Variants in FBXO9 observed in about 807,000 individuals in gnomAD.
FBXO9 encodes the protein F-box protein 9.
In FBXO9, 43 loss-of-function variants were observed where a neutral mutation model predicts 63.7. The ratio of observed to expected loss-of-function variants is 0.67; its 90% CI spans 0.53 to 0.87. FBXO9 has a LOEUF of 0.87. FBXO9 is among the 40% of genes least tolerant of loss of function. The pLI is 0.00. For synonymous variants in FBXO9, 156 were observed against 171.7 expected (o/e 0.91, Z 0.72); for missense variants, 442 against 533.2 (o/e 0.83, Z 1.68).
At chr6:53,093,269 T>C in intron 9 of FBXO9, 197 bp from the exon 10 acceptor site, 1 of 474,032 alleles carries the variant, frequency 2.1e-6, no homozygotes, top group Admixed American at 3.8e-5. Context: ...CTGAGGAAGA[T>C]AAAATATCTT....
At chr6:53,094,901 T>C (rs762752614) in intron 11 of FBXO9, 4 of 227,172 alleles carry the variant, frequency 1.8e-5, no homozygotes, top group Non-Finnish European at 2.8e-5. Flanking sequence ...TAAAAGAGTT[T>C]AGGAACTCCC....
At chr6:53,078,685 C>A in intron 4 of FBXO9, 114 bp from the exon 5 acceptor site, 2 of 704,444 alleles carry the variant, frequency 2.8e-6, no homozygotes, top group Non-Finnish European at 2.4e-6. Flanking sequence ...TGTAGAAAAA[C>A]AGAATTTGGC....
At chr6:53,096,730 C>G (rs1249950782) in intron 12 of FBXO9, among the ~76,000 whole-genome samples, 1 of 152,086 alleles carries the variant, frequency 6.6e-6, no homozygotes, top group South Asian at 2.1e-4. Context: ...AACTGGGTGA[C>G]CCCATCTCTA....
intron 9 of FBXO9, 91 bp from the exon 10 acceptor site, chr6:53,093,375 G>A: frequency 1.3e-6 from 1 of 780,206 alleles, no homozygotes; most frequent in Non-Finnish European, 2.1e-6. Context: ...TGGTTTCATA[G>A]CTATGAATAG....
At chr6:53,073,667 T>C in intron 3 of FBXO9, 28 bp downstream of exon 3, 1 of 1,376,042 alleles carries the variant, frequency 7.3e-7, no homozygotes, top group Non-Finnish European at 9.3e-7. Flanking sequence ...TGTAACAAAT[T>C]ACATTTTTTT....
Position 53,095,462 on chromosome 6 carries a change from A to G in FBXO9, c.1054-51A>G, listed in dbSNP as rs1382050082. 20 of 1,507,414 alleles carry G rather than the reference A, an allele frequency of 1.3e-5. No individual in the cohort carries two copies. In the Admixed American group the frequency reaches 4.2e-4, roughly 31 times the overall value. 93.4% of individuals were successfully genotyped at this position (1,507,414 alleles called of 1,614,324 possible). On this transcript the variant is annotated intron_variant, in intron 11 of 12. Transcript: ENST00000323557. ...ACTGTTGCATACTATTTCTGTAAAC[A>G]TAGAAGTGAGGTAAGGTTTCATTAT...
At chr6:53,095,937 A>G (rs1166487239) in intron 12 of FBXO9, among the ~76,000 whole-genome samples, 1 of 152,228 alleles carries the variant, frequency 6.6e-6, no homozygotes, top group Admixed American at 6.5e-5. Flanking sequence ...GTAGCATTCC[A>G]TGGGAAGAAT....
At position 53,073,562 on chromosome 6, in the gene FBXO9, T is replaced by G. The variant is rs991285816; in HGVS notation, c.172T>G (p.Cys58Gly). Residue 58 changes from cysteine to glycine, a missense_variant, in exon 3 of 13, where the codon TGC becomes GGC. This residue lies in a region of FBXO9 where 180 missense variants were observed against 171.1 expected (regional missense o/e 1.05). Coordinates refer to ENST00000323557, the MANE Select transcript of FBXO9 (RefSeq NM_033480.3). ...VSSSNLENRPCRAARGSLQKT... is the reference protein window; with the variant it reads ...VSSSNLENRPGRAARGSLQKT... The stretch of plus-strand genomic sequence containing the variant: ...CTCTAGCAATTTAGAAAATCGACCT[T>G]GCAGAGCAGCAAGAGGCTCTCTCCA... 2 of 1,612,626 alleles carry G rather than the reference T, an allele frequency of 1.2e-6. No homozygotes were observed. The highest frequency in any genetic ancestry group is 2.7e-5 in the African/African-American group (2 of 74,996).
intron 7 of FBXO9, among the ~76,000 whole-genome samples, chr6:53,088,866 C>T (rs1431676107): frequency 2.0e-5 from 3 of 151,712 alleles, no homozygotes; most frequent in African/African-American, 7.3e-5. Flanking sequence ...TCCTAAAGTG[C>T]AGGAATTACA....
rs917759643 is a variant in FBXO9 at position 53,076,567 on chromosome 6, A to G, written c.307+24A>G. On this transcript the variant is annotated intron_variant, in intron 4 of 12. Coordinates refer to ENST00000323557, the MANE Select transcript of FBXO9 (RefSeq NM_033480.3). ...AGGTAAAAATTCAGAGCCCAGGTTCATATCATAACATTTCTGAATAATGAC... is the reference window on the plus strand; with the variant it reads ...AGGTAAAAATTCAGAGCCCAGGTTCGTATCATAACATTTCTGAATAATGAC... 7.6e-5 allele frequency: 112 copies of G among 1,473,286 alleles called. No homozygotes were observed. The highest frequency in any genetic ancestry group is 9.6e-5 in the Non-Finnish European group (107 of 1,111,310). The allele number at this position is 1,473,286 out of a possible 1,614,324, so 91.3% of individuals were successfully genotyped here. A position where few individuals can be genotyped will look rare whatever the true frequency, so the allele number is the denominator to read the frequency against.
chr6:53,079,002 C>A, intron 5 of FBXO9, 104 bp downstream of exon 5: 1 of 719,856 alleles, frequency 1.4e-6, no homozygotes, highest in Non-Finnish European at 2.3e-6. Context: ...GAGCTCTATA[C>A]TCTTTAGTAT....
At chr6:53,087,659 C>T (rs1265980006) in intron 7 of FBXO9, among the ~76,000 whole-genome samples, 1 of 152,106 alleles carries the variant, frequency 6.6e-6, no homozygotes, top group African/African-American at 2.4e-5. Flanking sequence ...CATTTCCAAC[C>T]TGGAACTAGG....
At position 53,071,050 on chromosome 6, in the gene FBXO9, C is replaced by G. The variant is rs1444946782; in HGVS notation, c.4-7C>G. ...TGCCTGACATTATTTGGGTTTTCCC[C>G]CCTCAGGCAGAAGCTGAGGAAGATT... On this transcript the variant is annotated splice_region_variant and splice_polypyrimidine_tract_variant and intron_variant, in intron 1 of 12. Transcript: ENST00000323557. The G allele has an allele frequency of 3.2e-6, 5 of 1,566,680 alleles. No individual in the cohort carries two copies. The highest frequency in any genetic ancestry group is 4.3e-6 in the Non-Finnish European group (5 of 1,153,902).
rs139442571 is a variant in FBXO9, at chr6:53,065,812, C to T, written c.3+20C>T. On this transcript the variant is annotated intron_variant, in intron 1 of 12. Coordinates refer to ENST00000323557, the MANE Select transcript of FBXO9 (RefSeq NM_033480.3). ...AGCATGGTAACCTGGCCAGGGGGCT[C>T]GAGGGTGGACGCCGCGGGGCGGGAG... The T allele has an allele frequency of 3.5e-3, 4,730 of 1,339,248 alleles. 115 individuals are homozygous for T. The East Asian group carries it at 0.059, about 17-fold the overall frequency. The allele number at this position is 1,339,248 out of a possible 1,614,324, so 83.0% of individuals were successfully genotyped here.
At chr6:53,068,863 T>G (rs1194887745) in intron 1 of FBXO9, among the ~76,000 whole-genome samples, 1 of 152,104 alleles carries the variant, frequency 6.6e-6, no homozygotes, top group Non-Finnish European at 1.5e-5. Context: ...TTGCCCAGCC[T>G]TGTCTCAAAC....
chr6:53,086,624 G>C (rs928383147), intron 7 of FBXO9, among the ~76,000 whole-genome samples: 1 of 152,192 alleles, frequency 6.6e-6, no homozygotes, highest in African/African-American at 2.4e-5. Context: ...ATATAAACAA[G>C]AAAACTAGTA....
intron 7 of FBXO9, among the ~76,000 whole-genome samples, chr6:53,085,858 T>C (rs1193612828): frequency 1.3e-5 from 2 of 152,074 alleles, no homozygotes; most frequent in Non-Finnish European, 2.9e-5. Context: ...AACTAGAAAA[T>C]CCCAAAGTTG....
At chr6:53,092,250 A>T (rs1390634313) in intron 7 of FBXO9, 179 bp from the exon 8 acceptor site, 1 of 550,724 alleles carries the variant, frequency 1.8e-6, no homozygotes, top group Non-Finnish European at 3.2e-6. Flanking sequence ...CTTTCCTCTC[A>T]ATTTGCTTTC....
At chr6:53,066,246 T>A (rs222446) in intron 1 of FBXO9, 1 of 646,854 alleles carries the variant, frequency 1.5e-6, no homozygotes, top group Non-Finnish European at 1.9e-6. Flanking sequence ...CCACCGACAG[T>A]CCCTGCCGGC....
Sources: gnomAD v4.1 joint callset for allele counts (sites outside exome capture counted in the v4.1 genomes callset) on GRCh38, gnomAD v4.1.1 for gene constraint, gnomAD v4.1.1 regional missense constraint, MANE v1.5 for transcripts, NCBI Gene and HGNC (gene_info 2026-07-23, HGNC 2026-07-21) for gene names.